Variants in JMJD1C observed in about 807,000 individuals in gnomAD.
JMJD1C encodes jumonji domain-containing protein 1C.
In JMJD1C, 31 loss-of-function variants were observed where a neutral mutation model predicts 245.3. The observed-to-expected ratio is 0.13, with a 90% CI of 0.09 to 0.17. JMJD1C has a LOEUF of 0.17. JMJD1C is among the 10% of genes least tolerant of loss of function. The pLI is 1.00. For missense variants in JMJD1C, 2,691 were observed against 3,000.2 expected (o/e 0.90, Z 2.41); for synonymous variants, 1,057 against 1,017.4 (o/e 1.04, Z -0.74).
rs1415300656 is a variant in JMJD1C at position 63,214,989 on chromosome 10, G to A, written c.1178C>T (p.Ser393Leu). The A allele has an allele frequency of 3.7e-6, 6 of 1,600,308 alleles. No homozygotes were observed. In the South Asian group the frequency reaches 5.7e-5, roughly 15 times the overall value. The change falls in exon 8 of 26, where the codon TCA (serine) becomes TTA (leucine). Residue 393 changes from serine to leucine, a missense_variant. Transcript: ENST00000399262. ...CAATTCATTCTCTGGCTTCTGTTCT[G>A]AGGAATTATCTATTATTCTCTTATT... ...NSNKRIIDNS[S>L]EQKPENELKN...
intron 1 of JMJD1C, among the ~76,000 whole-genome samples, chr10:63,451,097 G>A (rs1431141370): frequency 6.6e-6 from 1 of 151,576 alleles, no homozygotes; most frequent in Non-Finnish European, 1.5e-5. Context: ...AGAAACCAAG[G>A]AGACAAATGA....
chr10:63,301,086 G>C (rs1043332593), intron 2 of JMJD1C, among the ~76,000 whole-genome samples: 2 of 152,154 alleles, frequency 1.3e-5, no homozygotes, highest in African/African-American at 4.8e-5. Flanking sequence ...CATGACCTTG[G>C]CTCACTGAAA....
chr10:63,419,834 T>TAA (rs34006135), intron 1 of JMJD1C, among the ~76,000 whole-genome samples: 2,810 of 114,436 alleles, frequency 0.025, 76 homozygotes, highest in South Asian at 0.058. Context: ...CTCCATGAAA[T>TAA]AAAAAAAAAA....
intron 2 of JMJD1C, among the ~76,000 whole-genome samples, chr10:63,298,203 C>T (rs145894627): frequency 0.016 from 2,501 of 152,264 alleles, 264 homozygotes; most frequent in Admixed American, 0.15. Flanking sequence ...CCTTGATAGG[C>T]GTGAGATCCA....
chr10:63,299,653 T>C (rs1241169155), intron 2 of JMJD1C, among the ~76,000 whole-genome samples: 2 of 152,090 alleles, frequency 1.3e-5, no homozygotes, highest in Non-Finnish European at 2.9e-5. Flanking sequence ...CTGCCCATAG[T>C]TTTTGTATAA....
At chr10:63,252,592 T>C (rs1408716577) in intron 3 of JMJD1C, among the ~76,000 whole-genome samples, 1 of 152,216 alleles carries the variant, frequency 6.6e-6, no homozygotes, top group Non-Finnish European at 1.5e-5. Context: ...AAAAATCTCC[T>C]CTTTCTCAAT....
intron 2 of JMJD1C, among the ~76,000 whole-genome samples, chr10:63,320,895 C>A (rs920601987): frequency 6.6e-6 from 1 of 152,136 alleles, no homozygotes; most frequent in African/African-American, 2.4e-5. Flanking sequence ...CCAAGGGAAC[C>A]AACCATGTGT....
chr10:63,388,558 G>C (rs1359620303), intron 1 of JMJD1C, among the ~76,000 whole-genome samples: 1 of 152,118 alleles, frequency 6.6e-6, no homozygotes, highest in African/African-American at 2.4e-5. Context: ...CCCAGTGGTA[G>C]AGCAAATACA....
intron 2 of JMJD1C, among the ~76,000 whole-genome samples, chr10:63,276,964 C>T (rs1418855757): frequency 7.7e-6 from 1 of 130,412 alleles, no homozygotes; most frequent in Non-Finnish European, 1.6e-5. Flanking sequence ...GGCTCATGAA[C>T]TCTGCCTCCC....
chr10:63,421,954 C>CT (rs1276157447), intron 1 of JMJD1C, among the ~76,000 whole-genome samples: 2 of 152,148 alleles, frequency 1.3e-5, no homozygotes, highest in Non-Finnish European at 2.9e-5. Context: ...AGCTACCTGT[C>CT]TATGATATTT....
chr10:63,414,858 G>C (rs549714319), intron 1 of JMJD1C, among the ~76,000 whole-genome samples: 1 of 148,408 alleles, frequency 6.7e-6, no homozygotes, highest in South Asian at 2.1e-4. Context: ...AGTGAGCTGA[G>C]ATCAGGCCAC....
intron 3 of JMJD1C, among the ~76,000 whole-genome samples, chr10:63,243,106 TA>T (rs1851704524): frequency 1.9e-5 from 2 of 106,354 alleles, no homozygotes; most frequent in Admixed American, 8.3e-5. Context: ...ACATAAATTA[TA>T]TATATATATA....
rs571531433 is a variant in JMJD1C, at chr10:63,177,330, ATATC to A, written c.7224+383_7224+386del. The A allele has an allele frequency of 2.1e-3, 497 of 232,700 alleles. 3 individuals are homozygous for A. Among genetic ancestry groups the A allele is most frequent in the African/African-American group, 0.011 (476 of 42,154 alleles). The allele number at this position is 232,700 out of a possible 1,614,324, so 14.4% of individuals were successfully genotyped here. On this transcript the variant is annotated intron_variant, in intron 23 of 25. Transcript: ENST00000399262. ...TCATTCCCTAGGTCAGCAGCCAAAA[ATATC>A]TATCAGATTCAAAGAAAATAAAGAT...
At chr10:63,337,056 G>C (rs192430948) in intron 2 of JMJD1C, among the ~76,000 whole-genome samples, 1 of 151,832 alleles carries the variant, frequency 6.6e-6, no homozygotes, top group Non-Finnish European at 1.5e-5. Context: ...GGCCAGGCTC[G>C]TCTCAAGCTC....
In JMJD1C at chr10:63,497,467, T is replaced by C. The variant is rs146241513; in HGVS notation, n.113+24271A>G. Among the ~76,000 whole-genome samples the C allele has an allele frequency of 3.3e-5, 5 of 152,302 alleles. No homozygotes were observed. In the East Asian group the frequency reaches 7.7e-4, roughly 23 times the overall value. Reference sequence around the variant, plus strand: ...AGGCAAATCTATAGAGACAGAAGGATATTAGCGTTTGCCTCAGCCAGATGG... The same window carrying C: ...AGGCAAATCTATAGAGACAGAAGGACATTAGCGTTTGCCTCAGCCAGATGG... On this transcript the variant is annotated intron_variant and non_coding_transcript_variant, in intron 1 of 3. Transcript: ENST00000633035.
In JMJD1C at chr10:63,313,959, C is replaced by T. The variant is rs149574357; in HGVS notation, c.334-49195G>A. ...CACCTATTTATCTTTGTTTTTGTTG[C>T]ATTTGCTTTTGGGTTCTTGGTCATG... On this transcript the variant is annotated intron_variant, in intron 2 of 25. Coordinates refer to ENST00000399262, the MANE Select transcript of JMJD1C (RefSeq NM_032776.3). Among the ~76,000 whole-genome samples, 1,314 of 152,264 alleles carry T rather than the reference C, an allele frequency of 8.6e-3. 11 individuals are homozygous for T. Among genetic ancestry groups the T allele is most frequent in the Middle Eastern group, 0.044 (13 of 294 alleles).
chr10:63,241,031 G>A (rs1194188672), intron 3 of JMJD1C, among the ~76,000 whole-genome samples: 1 of 152,138 alleles, frequency 6.6e-6, no homozygotes, highest in Non-Finnish European at 1.5e-5. Flanking sequence ...TATCATTCCT[G>A]GTGTTGCTGA....
In JMJD1C at chr10:63,197,687, T is replaced by G; in HGVS notation, c.5492-124A>C. The G allele has an allele frequency of 4.3e-6, 3 of 704,828 alleles. No homozygotes were observed. The African/African-American group carries it at 5.6e-5, about 13-fold the overall frequency. 43.7% of individuals were successfully genotyped at this position (704,828 alleles called of 1,614,324 possible). On this transcript the variant is annotated intron_variant, in intron 12 of 25. Transcript: ENST00000399262. The stretch of plus-strand genomic sequence containing the variant: ...CAAGAACTTTCAAGGCTATATTAAC[T>G]GAAGACCAATAGCTTTCTTGAAGTA...
At chr10:63,332,805 A>G (rs780620300) in intron 2 of JMJD1C, among the ~76,000 whole-genome samples, 5 of 152,208 alleles carry the variant, frequency 3.3e-5, no homozygotes, top group Non-Finnish European at 5.9e-5. Context: ...AGTTACACAT[A>G]TTTGATTTTT....
Sources: gnomAD v4.1 joint callset for allele counts (sites outside exome capture counted in the v4.1 genomes callset) on GRCh38, gnomAD v4.1.1 for gene constraint, MANE v1.5 for transcripts, NCBI Gene and HGNC (gene_info 2026-07-23, HGNC 2026-07-21) for gene names.